Variants in CDH18 observed in about 807,000 individuals in gnomAD.
CDH18 encodes the protein cadherin 18.
A neutral mutation model predicts 67.9 loss-of-function variants in CDH18; 31 were observed. The observed-to-expected ratio is 0.46, with a 90% CI of 0.34 to 0.62. CDH18 has a LOEUF of 0.62. Among genes scored for constraint, CDH18 ranks in the 20% least tolerant of loss-of-function variants. The pLI, the probability that CDH18 is intolerant of heterozygous loss-of-function variation, is 0.01. For synonymous variants in CDH18, 362 were observed against 347.2 expected (o/e 1.04, Z -0.48); for missense variants, 890 against 975.5 (o/e 0.91, Z 1.17).
intron 2 of CDH18, among the ~76,000 whole-genome samples, chr5:20,124,181 C>T (rs1245019877): frequency 2.0e-5 from 3 of 151,942 alleles, no homozygotes; most frequent in Admixed American, 6.6e-5. Flanking sequence ...AATCCAGTCA[C>T]GAAAAAGAAG....
intron 2 of CDH18, among the ~76,000 whole-genome samples, chr5:20,008,180 G>A (rs766911647): frequency 6.6e-5 from 10 of 151,884 alleles, no homozygotes; most frequent in African/African-American, 9.7e-5. Context: ...TGATGGCAAT[G>A]CACAGTTTGC....
chr5:19,897,941 G>A (rs536174084), intron 2 of CDH18, among the ~76,000 whole-genome samples: 1 of 151,946 alleles, frequency 6.6e-6, no homozygotes, highest in South Asian at 2.1e-4. Context: ...TTCTTTATCT[G>A]GATGAAGGGA....
chr5:19,948,256 C>A (rs967228801), intron 2 of CDH18, among the ~76,000 whole-genome samples: 1 of 152,090 alleles, frequency 6.6e-6, no homozygotes, highest in Non-Finnish European at 1.5e-5. Flanking sequence ...AGCAATTTTA[C>A]TCAGGAGTAT....
chr5:20,516,379 C>A lies in CDH18; in HGVS notation c.-580+59083G>T, dbSNP rs541526150. On this transcript the variant is annotated intron_variant, in intron 1 of 14. Coordinates refer to the CDH18 transcript ENST00000507958. The stretch of plus-strand genomic sequence containing the variant: ...AATATTACAAAAAACAAATAAAATT[C>A]AACCGTTAATCAAATGGAAAATATA... 1.1e-3 allele frequency among the ~76,000 whole-genome samples: 170 copies of A among 151,954 alleles called. 1 individual carries two copies. The highest frequency in any genetic ancestry group is 4.1e-3 in the African/African-American group (169 of 41,516).
At chr5:20,473,732 A>G (rs566136098) in intron 1 of CDH18, among the ~76,000 whole-genome samples, 47 of 152,150 alleles carry the variant, frequency 3.1e-4, no homozygotes, top group Non-Finnish European at 6.3e-4. Context: ...CTTATTTTTT[A>G]TATTTTTGCC....
chr5:20,276,841 G>A (rs748351220), intron 1 of CDH18, among the ~76,000 whole-genome samples: 35 of 152,126 alleles, frequency 2.3e-4, no homozygotes, highest in Admixed American at 1.3e-4. Flanking sequence ...TGACTGAAGA[G>A]CTCTTGGGCC....
chr5:20,407,414 G>A (rs1443931502), intron 1 of CDH18, among the ~76,000 whole-genome samples: 1 of 151,758 alleles, frequency 6.6e-6, no homozygotes, highest in Non-Finnish European at 1.5e-5. Context: ...TGGGTTGGTT[G>A]GTGATGATTT....
chr5:20,342,272 G>A (rs1164295671), intron 1 of CDH18, among the ~76,000 whole-genome samples: 2 of 152,094 alleles, frequency 1.3e-5, no homozygotes, highest in East Asian at 1.9e-4. Context: ...CACTAAGTTT[G>A]TAAACTCTGA....
chr5:19,840,886 A>G (rs796310326), intron 2 of CDH18, among the ~76,000 whole-genome samples: 5 of 152,314 alleles, frequency 3.3e-5, no homozygotes, highest in African/African-American at 9.6e-5. Flanking sequence ...TCACTTTCTC[A>G]TTGAATGCAA....
chr5:19,754,860 C>T (rs767467455), intron 3 of CDH18, among the ~76,000 whole-genome samples: 2 of 152,084 alleles, frequency 1.3e-5, no homozygotes, highest in Non-Finnish European at 2.9e-5. Context: ...TCAAAAGGAA[C>T]CTTTGAACCC....
Position 19,960,669 on chromosome 5 carries a change from G to GTA in CDH18, c.-257+20389_-257+20390dup, listed in dbSNP as rs540723097. 1.6e-5 allele frequency among the ~76,000 whole-genome samples: 2 copies of GTA among 126,940 alleles called. 1 individual carries two copies. Among genetic ancestry groups the GTA allele is most frequent in the African/African-American group, 7.2e-5 (2 of 27,910 alleles). The allele number at this position is 126,940 out of a possible 152,430, so 83.3% of individuals were successfully genotyped here. A position where few individuals can be genotyped will look rare whatever the true frequency, so the allele number is the denominator to read the frequency against. On this transcript the variant is annotated intron_variant, in intron 2 of 12. Transcript: ENST00000382275. Reference sequence around the variant, plus strand: ...TACACGTGTATATATATATACACATGTATATATATGTATACATATACACGT... The same window carrying GTA: ...TACACGTGTATATATATATACACATGTATATATATATGTATACATATACACGT...
At chr5:20,155,317 A>AT (rs1339216289) in intron 2 of CDH18, among the ~76,000 whole-genome samples, 2 of 152,078 alleles carry the variant, frequency 1.3e-5, no homozygotes, top group Non-Finnish European at 2.9e-5. Flanking sequence ...AAATACACGT[A>AT]TTTTTTAATT....
intron 2 of CDH18, among the ~76,000 whole-genome samples, chr5:19,940,842 T>C (rs1235415582): frequency 1.3e-5 from 2 of 152,096 alleles, no homozygotes; most frequent in Non-Finnish European, 2.9e-5. Context: ...AATTATTCTG[T>C]ATTGTTTGCA....
intron 2 of CDH18, among the ~76,000 whole-genome samples, chr5:19,936,623 T>G (rs2150216596): frequency 6.6e-6 from 1 of 151,136 alleles, no homozygotes; most frequent in Middle Eastern, 3.6e-3. Context: ...ATGTTTTTCT[T>G]TAAAGAAAAA....
chr5:20,148,801 A>T (rs997784954), intron 2 of CDH18, among the ~76,000 whole-genome samples: 3 of 152,164 alleles, frequency 2.0e-5, no homozygotes, highest in South Asian at 2.1e-4. Flanking sequence ...ACTCAGTTTG[A>T]CAAAAGCTCT....
intron 2 of CDH18, among the ~76,000 whole-genome samples, chr5:20,150,150 G>C (rs1750988248): frequency 6.6e-6 from 1 of 152,004 alleles, no homozygotes; most frequent in African/African-American, 2.4e-5. Flanking sequence ...AATGGGTTGA[G>C]GACTTTAAGA....
At chr5:20,098,965 A>C (rs1166359133) in intron 2 of CDH18, among the ~76,000 whole-genome samples, 1 of 152,186 alleles carries the variant, frequency 6.6e-6, no homozygotes, top group African/African-American at 2.4e-5. Flanking sequence ...GGCAGACAGT[A>C]TCCAAGTTTG....
intron 2 of CDH18, chr5:19,878,195 A>T (rs1172177276): frequency 2.0e-5 from 3 of 152,078 alleles, no homozygotes; most frequent in Non-Finnish European, 4.4e-5. Flanking sequence ...TAATTGTTTT[A>T]ATTGTCTATG....
chr5:19,659,945 T>A (rs1438885413), intron 5 of CDH18, among the ~76,000 whole-genome samples: 1 of 152,092 alleles, frequency 6.6e-6, no homozygotes, highest in Non-Finnish European at 1.5e-5. Context: ...TTATAAATTA[T>A]CAAGCTGTTG....
Sources: gnomAD v4.1 joint callset for allele counts (sites outside exome capture counted in the v4.1 genomes callset) on GRCh38, gnomAD v4.1.1 for gene constraint, MANE v1.5 for transcripts, NCBI Gene and HGNC (gene_info 2026-07-23, HGNC 2026-07-21) for gene names.